The following PGC variants were observed in gnomAD, a reference collection of about 807,000 sequenced individuals.
PGC encodes gastricsin.
PGC carries 31 observed loss-of-function variants against 45.9 expected under a neutral mutation model. That is an observed-to-expected ratio of 0.67 (90% CI 0.51 to 0.91). The LOEUF is 0.91. PGC is among the 40% of genes least tolerant of loss of function. The pLI, the probability that PGC is intolerant of heterozygous loss-of-function variation, is 0.00. For synonymous variants in PGC, 192 were observed against 201.8 expected (o/e 0.95, Z 0.41); for missense variants, 477 against 493.2 (o/e 0.97, Z 0.31).
chr6:41,740,352 A>T, intron 6 of PGC, 139 bp downstream of exon 6: 2 of 1,100,284 alleles, frequency 1.8e-6, no homozygotes. Context: ...TGCAGAGGAC[A>T]GTTGTGGCTT....
rs756945533 is a variant in PGC at position 41,744,680 on chromosome 6, T to C, written c.188A>G (p.Tyr63Cys). ...KYRFGDLSVTYEPMAYMDAAY... is the reference protein window; with the variant it reads ...KYRFGDLSVTCEPMAYMDAAY... ...CACATCCATGTAGGCCATGGGCTCG[T>C]AGGTCACGCTGAGGTCACCAAAGCG... The change falls in exon 2 of 9, where the codon TAC (tyrosine) becomes TGC (cysteine). Residue 63 changes from tyrosine (Y) to cysteine (C), a missense_variant. Tyr to Cys is a radical substitution (Grantham distance 194). Transcript: ENST00000373025. This position sits in a 1 kb window ranked among gnomAD's most constrained non-coding sequence, Gnocchi z 4.4. 11 of 1,614,028 alleles carry C rather than the reference T, an allele frequency of 6.8e-6. No homozygotes were observed. In the South Asian group the frequency reaches 8.8e-5, roughly 13 times the overall value.
At chr6:41,742,172 G>GAGCC (rs1228806651) in intron 5 of PGC, 118 bp downstream of exon 5, 1 of 913,444 alleles carries the variant, frequency 1.1e-6, no homozygotes, top group Non-Finnish European at 1.7e-6. Context: ...AGACTGACTG[G>GAGCC]AGCCAGATGC....
Position 41,744,840 on chromosome 6 carries a change from T to C in PGC, c.60-32A>G. ...AAAGGTTGCATATGAGGCAAGGCCCTCCCTCCTTCCTCTCTTCCCACTCCT... is the reference window on the plus strand; with the variant it reads ...AAAGGTTGCATATGAGGCAAGGCCCCCCCTCCTTCCTCTCTTCCCACTCCT... On this transcript the variant is annotated intron_variant, in intron 1 of 8. Transcript: ENST00000373025. This position sits in a 1 kb window ranked among gnomAD's most constrained non-coding sequence, Gnocchi z 4.4. 2.5e-6 allele frequency: 4 copies of C among 1,588,444 alleles called. No individual in the cohort carries two copies. The highest frequency in any genetic ancestry group is 3.4e-6 in the Non-Finnish European group (4 of 1,161,900).
chr6:41,739,936 C>A lies in PGC; in HGVS notation c.778G>T (p.Gly260Cys). 6.2e-7 allele frequency: 1 copy of A among 1,613,934 alleles called. No individual in the cohort carries two copies. Among genetic ancestry groups the A allele is most frequent in the Non-Finnish European group, 8.5e-7 (1 of 1,179,930 alleles). The change falls in exon 7 of 9, where the codon GGC becomes TGC. Residue 260 changes from glycine to cysteine, a missense_variant. By Grantham distance (159) the Gly-to-Cys change is radical. Coordinates refer to ENST00000373025, the MANE Select transcript of PGC (RefSeq NM_002630.4). ...GAACACCAGCCGGAGGCCTGGCCGC[C>A]GATGAGGAACCTGTATGGGGAGAAG... is the stretch of plus-strand genomic sequence containing the variant. ...WQIGIEEFLI[G>C]GQASGWCSEG... is the part of the protein sequence containing the mutation.
In PGC at chr6:41,741,033, C is replaced by T. The variant is rs967435507; in HGVS notation, c.648-423G>A. ...TCCCCTAGTGGTTGGGACCCCCAGC[C>T]CACACTCTGCTCTCCTCTCCCCTCC... On this transcript the variant is annotated intron_variant, in intron 5 of 8. Transcript: ENST00000373025. 3.3e-6 allele frequency: 5 copies of T among 1,536,858 alleles called. No individual in the cohort carries two copies. In the South Asian group the frequency reaches 6.0e-5, roughly 18 times the overall value.
At chr6:41,740,466 C>T in intron 6 of PGC, 25 bp downstream of exon 6, 2 of 1,591,588 alleles carry the variant, frequency 1.3e-6, no homozygotes, top group Non-Finnish European at 1.7e-6. Flanking sequence ...AGTGCCACAT[C>T]CCCAGGGCCC....
At chr6:41,747,116 C>T (rs1252472728) in intron 1 of PGC, among the ~76,000 whole-genome samples, 160 bp downstream of exon 1, 2 of 152,202 alleles carry the variant, frequency 1.3e-5, no homozygotes, top group Non-Finnish European at 2.9e-5. Context: ...TCTCCTTCCA[C>T]CCATGTGTCC....
chr6:41,741,948 G>A (rs1368518287), intron 5 of PGC: 7 of 883,052 alleles, frequency 7.9e-6, no homozygotes, highest in East Asian at 5.3e-5. Flanking sequence ...TGCCCCACCC[G>A]CTTCTCCACC....
At chr6:41,741,675 A>G in intron 5 of PGC, 1 of 700,876 alleles carries the variant, frequency 1.4e-6, no homozygotes, top group Non-Finnish European at 2.5e-6. Context: ...AAACAAAAGC[A>G]AGTTGCTGGT....
chr6:41,741,976 G>C lies in PGC; in HGVS notation c.647+314C>G, dbSNP rs148179412. 1.2e-3 allele frequency: 895 copies of C among 719,890 alleles called. 22 individuals carry two copies. In the East Asian group the frequency reaches 0.022, roughly 18 times the overall value. The allele number at this position is 719,890 out of a possible 1,614,324, so 44.6% of individuals were successfully genotyped here. ...TCTCCACCAGGAAGCCTGTCCAAGG[G>C]GTGCTGAGAATCAGAGCAGCAAAAC... On this transcript the variant is annotated intron_variant, in intron 5 of 8. Transcript: ENST00000373025.
rs552090930 is a variant in PGC, at chr6:41,744,634, C to T, written c.210+24G>A. On this transcript the variant is annotated intron_variant, in intron 2 of 8. Transcript: ENST00000373025. This position sits in a 1 kb window ranked among gnomAD's most constrained non-coding sequence, Gnocchi z 4.4. Reference sequence around the variant, plus strand: ...CCAGCCCACACCAGAGAGAAGGCTACCGCCAGAAAGGGTCAGGACTCACAT... The same window carrying T: ...CCAGCCCACACCAGAGAGAAGGCTATCGCCAGAAAGGGTCAGGACTCACAT... The T allele has an allele frequency of 6.2e-6, 10 of 1,612,748 alleles. No homozygotes were observed. In the Admixed American group the frequency reaches 1.7e-4, roughly 27 times the overall value.
chr6:41,737,241 C>T (rs1397157190), intron 8 of PGC, among the ~76,000 whole-genome samples: 1 of 152,178 alleles, frequency 6.6e-6, no homozygotes, highest in African/African-American at 2.4e-5. Flanking sequence ...TGATGGGAAA[C>T]TTCTCTTCCC....
At chr6:41,738,264 GCA>G (rs10557594) in intron 7 of PGC, among the ~76,000 whole-genome samples, 29,287 of 40,040 alleles carry the variant, frequency 0.73, 10,632 homozygotes, top group Non-Finnish European at 0.8. Flanking sequence ...ATATATATAT[GCA>G]CACACACACA....
Position 41,747,353 on chromosome 6 carries a change from G to T in PGC, c.-19C>A. On this transcript the variant is annotated 5_prime_UTR_variant, in exon 1 of 9. Transcript: ENST00000373025. ...ACTTCATGATGCTGGTCCCCAACTG[G>T]CCACAGAGGAAGAGCAGCTCTGAGT... 2 of 1,611,420 alleles carry T rather than the reference G, an allele frequency of 1.2e-6. No individual in the cohort carries two copies. The highest frequency in any genetic ancestry group is 1.7e-6 in the Non-Finnish European group (2 of 1,177,556).
At chr6:41,741,063 C>T in intron 5 of PGC, 1 of 1,537,224 alleles carries the variant, frequency 6.5e-7, no homozygotes, top group Middle Eastern at 1.7e-4. Flanking sequence ...CCCTCCGCTT[C>T]CTGCCTCTGG....
chr6:41,736,837 G>GCCC lies in PGC; in HGVS notation c.*14_*15insGGG. The GCCC allele has an allele frequency of 6.2e-7, 1 of 1,613,960 alleles. No individual in the cohort carries two copies. The highest frequency in any genetic ancestry group is 8.5e-7 in the Non-Finnish European group (1 of 1,179,892). On this transcript the variant is annotated 3_prime_UTR_variant, in exon 9 of 9. Coordinates refer to ENST00000373025, the MANE Select transcript of PGC (RefSeq NM_002630.4). The stretch of plus-strand genomic sequence containing the variant: ...TCAAGAGGAAGAGGGGAGCCCACGT[G>GCCC]TCGAGGCAGCAAGTCTAGGCGGCAG...
At chr6:41,741,993 C>A in intron 5 of PGC, 1 of 672,532 alleles carries the variant, frequency 1.5e-6, no homozygotes, top group Non-Finnish European at 2.6e-6. Context: ...AGAATCAGAG[C>A]AGCAAAACTC....
chr6:41,738,193 T>TATATATGCATATATATATGC (rs1554138628), intron 7 of PGC, among the ~76,000 whole-genome samples: 3 of 35,352 alleles, frequency 8.5e-5, no homozygotes, highest in Admixed American at 3.5e-4. Context: ...TATATATGCA[T>TATATATGCATATATATATGC]ATATATATGC....
intron 5 of PGC, 97 bp downstream of exon 5, chr6:41,742,193 G>A: frequency 9.2e-7 from 1 of 1,090,382 alleles, no homozygotes; most frequent in Admixed American, 1.8e-5. Flanking sequence ...CCGCTGGGAT[G>A]CCTCCAAACC....
Sources: allele counts gnomAD v4.1 joint callset (sites outside exome capture counted in the v4.1 genomes callset), GRCh38; gene constraint gnomAD v4.1.1; non-coding constraint Gnocchi (gnomAD v3.1); transcripts MANE v1.5; gene names NCBI Gene and HGNC (gene_info 2026-07-23, HGNC 2026-07-21).